The following GRID2 variants were observed in gnomAD, a reference collection of about 807,000 sequenced individuals.
The protein encoded by GRID2 is glutamate receptor ionotropic, delta-2.
GRID2 carries 33 observed loss-of-function variants against 114.8 expected under a neutral mutation model. The observed-to-expected ratio is 0.29, with a 90% confidence interval of 0.22 to 0.38. The LOEUF is 0.38. Ranked by LOEUF, GRID2 falls within the 10% of genes least tolerant of loss-of-function variation. GRID2 has a pLI of 1.00. For missense variants in GRID2, 1,184 were observed against 1,257.7 expected (o/e 0.94, Z 0.89); for synonymous variants, 505 against 449.9 (o/e 1.12, Z -1.55).
At position 92,945,789 on chromosome 4, in the gene GRID2, GATC is replaced by G. The variant is rs375985533; in HGVS notation, c.245-139202_245-139200del. 2.6e-5 allele frequency among the ~76,000 whole-genome samples: 4 copies of G among 152,150 alleles called. No individual in the cohort carries two copies. The East Asian group carries it at 7.7e-4, about 29-fold the overall frequency. ...GCAGTTGATGAGAATATTTTCATTT[GATC>G]ATCTTATTTTCAGCCTTTTTACTGT... On this transcript the variant is annotated intron_variant, in intron 2 of 15. Coordinates refer to ENST00000282020, the MANE Select transcript of GRID2 (RefSeq NM_001510.4).
chr4:93,538,949 G>A (rs1732381185), intron 13 of GRID2, among the ~76,000 whole-genome samples: 1 of 151,730 alleles, frequency 6.6e-6, no homozygotes, highest in Non-Finnish European at 1.5e-5. Context: ...ATGTCCCATT[G>A]ATGGTTTCTC....
At chr4:93,365,724 C>G (rs1458205299) in intron 8 of GRID2, among the ~76,000 whole-genome samples, 1 of 152,098 alleles carries the variant, frequency 6.6e-6, no homozygotes, top group African/African-American at 2.4e-5. Flanking sequence ...TTGCTGCTTA[C>G]TTGGCCATAA....
intron 1 of GRID2, among the ~76,000 whole-genome samples, chr4:92,308,442 G>A (rs958270175): frequency 2.0e-5 from 3 of 152,034 alleles, no homozygotes; most frequent in Non-Finnish European, 4.4e-5. Flanking sequence ...TGTCAACATG[G>A]AGTAGAAAAG....
chr4:92,761,915 A>G (rs1050434593), intron 2 of GRID2, among the ~76,000 whole-genome samples: 1 of 152,084 alleles, frequency 6.6e-6, no homozygotes, highest in Admixed American at 6.6e-5. Context: ...AATATGTGTT[A>G]AGTTGTTTTT....
chr4:93,373,580 G>A (rs951412255), intron 8 of GRID2, among the ~76,000 whole-genome samples: 2 of 152,078 alleles, frequency 1.3e-5, no homozygotes, highest in Non-Finnish European at 2.9e-5. Flanking sequence ...AATGTATCAT[G>A]TTTGTTTTCC....
chr4:93,695,117 GC>G (rs1391491206), intron 14 of GRID2, among the ~76,000 whole-genome samples: 6 of 150,480 alleles, frequency 4.0e-5, no homozygotes, highest in African/African-American at 1.5e-4. Context: ...GTCGCAGTGA[GC>G]CGAGATCGAG....
At chr4:92,876,001 A>C (rs923330224) in intron 2 of GRID2, among the ~76,000 whole-genome samples, 2 of 152,106 alleles carry the variant, frequency 1.3e-5, no homozygotes, top group African/African-American at 4.8e-5. Context: ...AACATGTGGG[A>C]CACTAAAATA....
chr4:92,958,978 A>G (rs1752609242), intron 2 of GRID2, among the ~76,000 whole-genome samples: 1 of 147,288 alleles, frequency 6.8e-6, no homozygotes, highest in African/African-American at 2.5e-5. Flanking sequence ...ATATTCCTTT[A>G]TTATCATTTG....
intron 2 of GRID2, among the ~76,000 whole-genome samples, chr4:92,926,880 C>T (rs571191439): frequency 8.6e-5 from 13 of 151,966 alleles, no homozygotes; most frequent in Middle Eastern, 6.8e-3. Context: ...TTAATCCATT[C>T]ATAAGGGCAG....
intron 1 of GRID2, among the ~76,000 whole-genome samples, chr4:92,326,033 A>G (rs1312579497): frequency 1.3e-5 from 2 of 151,846 alleles, no homozygotes; most frequent in African/African-American, 2.4e-5. Context: ...GTATGCTTAC[A>G]TGAAAAAAAA....
chr4:93,472,446 T>C (rs1025699650), intron 11 of GRID2, among the ~76,000 whole-genome samples: 1 of 152,202 alleles, frequency 6.6e-6, no homozygotes, highest in East Asian at 1.9e-4. Context: ...CTACTGAATA[T>C]ATAGTTCCTT....
chr4:93,415,790 A>T (rs1767643799), intron 9 of GRID2, among the ~76,000 whole-genome samples: 1 of 152,042 alleles, frequency 6.6e-6, no homozygotes, highest in African/African-American at 2.4e-5. Context: ...TAATAGCTTT[A>T]ACTTTATGCT....
intron 1 of GRID2, among the ~76,000 whole-genome samples, chr4:92,581,912 A>T (rs1373277697): frequency 6.6e-6 from 1 of 152,204 alleles, no homozygotes; most frequent in East Asian, 1.9e-4. Context: ...TCTACACTAT[A>T]TCATAACTAA....
intron 8 of GRID2, among the ~76,000 whole-genome samples, chr4:93,316,187 G>T (rs1756564440): frequency 1.3e-5 from 2 of 151,652 alleles, no homozygotes; most frequent in Admixed American, 6.6e-5. Flanking sequence ...GAAAGAAAAA[G>T]CCATTCCCTT....
chr4:92,608,189 A>G (rs1729551415), intron 2 of GRID2, among the ~76,000 whole-genome samples: 2 of 151,814 alleles, frequency 1.3e-5, no homozygotes, highest in South Asian at 2.1e-4. Flanking sequence ...TTCTCTCAAG[A>G]TCTGTGTCCT....
chr4:93,659,855 T>TCCCGGGAGGCG (rs1723330645), intron 14 of GRID2, among the ~76,000 whole-genome samples: 2 of 152,212 alleles, frequency 1.3e-5, no homozygotes, highest in African/African-American at 4.8e-5. Context: ...ATATAAGATC[T>TCCCGGGAGGCG]GACCCTTTTG....
Position 92,318,831 on chromosome 4 carries a change from T to A in GRID2, c.88+14087T>A, listed in dbSNP as rs554334362. 8.5e-5 allele frequency among the ~76,000 whole-genome samples: 13 copies of A among 152,236 alleles called. No homozygotes were observed. The East Asian group carries it at 2.3e-3, about 27-fold the overall frequency. ...TTCAGGAGTCTGTCTTCAAGCACAGTGATCCCTGTGGTGGATTCAACAATC... is the reference window on the plus strand; with the variant it reads ...TTCAGGAGTCTGTCTTCAAGCACAGAGATCCCTGTGGTGGATTCAACAATC... On this transcript the variant is annotated intron_variant, in intron 1 of 15. Transcript: ENST00000282020.
At chr4:92,983,850 T>G (rs1174509522) in intron 2 of GRID2, among the ~76,000 whole-genome samples, 1 of 152,106 alleles carries the variant, frequency 6.6e-6, no homozygotes, top group African/African-American at 2.4e-5. Flanking sequence ...TCTGTATATG[T>G]TTATTTTATG....
At chr4:92,371,154 A>G (rs1278076051) in intron 1 of GRID2, among the ~76,000 whole-genome samples, 1 of 152,214 alleles carries the variant, frequency 6.6e-6, no homozygotes. Context: ...ATGAAGATTA[A>G]AATGAAAGCT....
Sources: gnomAD v4.1 joint callset for allele counts (sites outside exome capture counted in the v4.1 genomes callset) on GRCh38, gnomAD v4.1.1 for gene constraint, MANE v1.5 for transcripts, NCBI Gene and HGNC (gene_info 2026-07-23, HGNC 2026-07-21) for gene names.